The following VGLL3 variants were observed in gnomAD, a reference collection of about 807,000 sequenced individuals.
VGLL3 encodes transcription cofactor vestigial-like protein 3.
Under a neutral mutation model 29.2 loss-of-function variants are expected in VGLL3, and 18 were observed. The ratio of observed to expected loss-of-function variants is 0.62; its 90% CI spans 0.43 to 0.91. VGLL3 has a LOEUF of 0.91. Ranked by LOEUF, VGLL3 falls within the 40% of genes least tolerant of loss-of-function variation. VGLL3 has a pLI of 0.00. For missense variants in VGLL3, 440 were observed against 413.2 expected, an observed-to-expected ratio of 1.06 and a Z score of -0.56; for synonymous variants, 180 against 151.8, an observed-to-expected ratio of 1.19 and a Z score of -1.36.
At chr3:86,947,160 C>A in intron 3 of VGLL3, 93 bp from the exon 4 acceptor site, 2 of 748,540 alleles carry the variant, frequency 2.7e-6, no homozygotes, top group Non-Finnish European at 5.0e-6. Flanking sequence ...ATATAGAAAC[C>A]AAAATGATAA....
chr3:86,986,249 C>T (rs1366672665), intron 1 of VGLL3, among the ~76,000 whole-genome samples: 1 of 152,044 alleles, frequency 6.6e-6, no homozygotes, highest in African/African-American at 2.4e-5. Context: ...TGCATTTAGC[C>T]AGAATACCCT....
At chr3:86,952,882 C>T (rs1202997486) in intron 3 of VGLL3, among the ~76,000 whole-genome samples, 1 of 152,158 alleles carries the variant, frequency 6.6e-6, no homozygotes, top group Admixed American at 6.5e-5. Context: ...GACAGTCATA[C>T]TATTTTCTAT....
At chr3:86,963,296 T>A (rs973534098) in intron 3 of VGLL3, among the ~76,000 whole-genome samples, 1 of 152,134 alleles carries the variant, frequency 6.6e-6, no homozygotes, top group Non-Finnish European at 1.5e-5. Context: ...ACAACACGCA[T>A]GAAACTTGAA....
Position 86,946,129 on chromosome 3 carries a change from A to T in VGLL3, c.*895T>A, listed in dbSNP as rs1022524201. 6.6e-6 allele frequency: 1 copy of T among 152,154 alleles called. No homozygotes were observed. Among genetic ancestry groups the T allele is most frequent in the Non-Finnish European group, 1.5e-5 (1 of 68,012 alleles). 9.4% of individuals were successfully genotyped at this position (152,154 alleles called of 1,614,324 possible). On this transcript the variant is annotated 3_prime_UTR_variant, in exon 4 of 4. Transcript: ENST00000398399. ...TTGTATATAACCTCTGGTTCCATTT[A>T]TCAAATTTGGATGGGCTAGAAAGAG...
chr3:86,942,968 A>G lies in VGLL3; in HGVS notation c.*4056T>C, dbSNP rs1266763159. On this transcript the variant is annotated 3_prime_UTR_variant, in exon 4 of 4. Coordinates refer to ENST00000398399, the MANE Select transcript of VGLL3 (RefSeq NM_016206.4). ...CATCTGTAGTAGCTGTTATTTATTGAACATCTAATATGAGCTACATGATTG... is the reference window on the plus strand; with the variant it reads ...CATCTGTAGTAGCTGTTATTTATTGGACATCTAATATGAGCTACATGATTG... 5 of 151,764 alleles carry G rather than the reference A, an allele frequency of 3.3e-5. No homozygotes were observed. Among genetic ancestry groups the G allele is most frequent in the African/African-American group, 1.2e-4 (5 of 41,318 alleles). 9.4% of individuals were successfully genotyped at this position (151,764 alleles called of 1,614,324 possible).
intron 1 of VGLL3, among the ~76,000 whole-genome samples, chr3:86,979,955 C>G (rs932362678): frequency 7.2e-5 from 11 of 152,012 alleles, no homozygotes; most frequent in African/African-American, 2.7e-4. Context: ...CTTATTTCTG[C>G]TTTTCAGTAT....
chr3:86,984,124 T>A (rs182752013), intron 1 of VGLL3, among the ~76,000 whole-genome samples: 3 of 152,370 alleles, frequency 2.0e-5, no homozygotes, highest in African/African-American at 7.2e-5. Flanking sequence ...AACAATGTCA[T>A]GCTTTTAAAA....
At chr3:86,949,818 C>G (rs866767287) in intron 3 of VGLL3, among the ~76,000 whole-genome samples, 13 of 134,928 alleles carry the variant, frequency 9.6e-5, no homozygotes, top group South Asian at 2.3e-4. Context: ...CAGAGCGAGA[C>G]TCCATCTCAA....
chr3:86,948,557 C>A (rs867157454), intron 3 of VGLL3, among the ~76,000 whole-genome samples: 1 of 148,554 alleles, frequency 6.7e-6, no homozygotes, highest in South Asian at 2.2e-4. Flanking sequence ...TGCACATGTA[C>A]CCTAAAACTT....
intron 1 of VGLL3, among the ~76,000 whole-genome samples, chr3:86,989,650 C>T (rs1705536456): frequency 6.6e-6 from 1 of 152,026 alleles, no homozygotes; most frequent in South Asian, 2.1e-4. Context: ...AATTTCCTAA[C>T]CAAATCTAGT....
chr3:86,972,383 TA>T (rs1293372621), intron 2 of VGLL3, among the ~76,000 whole-genome samples: 1 of 151,996 alleles, frequency 6.6e-6, no homozygotes, highest in Non-Finnish European at 1.5e-5. Context: ...TGCAGCCCTT[TA>T]AAAAAAACCT....
Position 86,968,973 on chromosome 3 carries a change from C to A in VGLL3, c.554G>T (p.Ser185Ile), listed in dbSNP as rs765141204. 1.7e-5 allele frequency: 28 copies of A among 1,613,956 alleles called. No homozygotes were observed. The highest frequency in any genetic ancestry group is 2.1e-5 in the Non-Finnish European group (25 of 1,180,022). Residue 185 changes from serine to isoleucine, a missense_variant, in exon 3 of 4, where the codon AGT (serine) becomes ATT (isoleucine). Transcript: ENST00000398399. ...PPGTFSAADP[S>I]PWPGHNLHQT... ...ATGCAGGTTGTGTCCCGGCCAAGGACTGGGATCAGCTGCAGAAAAGGTGCC... is the reference window on the plus strand; with the variant it reads ...ATGCAGGTTGTGTCCCGGCCAAGGAATGGGATCAGCTGCAGAAAAGGTGCC...
chr3:86,986,802 T>C (rs1043706875), intron 1 of VGLL3, among the ~76,000 whole-genome samples: 4 of 152,174 alleles, frequency 2.6e-5, no homozygotes, highest in African/African-American at 9.7e-5. Context: ...GCTAACTGGA[T>C]ATACTGTTTC....
chr3:86,990,851 A>T lies in VGLL3; in HGVS notation c.-108T>A. 1.7e-6 allele frequency: 2 copies of T among 1,168,860 alleles called. No homozygotes were observed. Among genetic ancestry groups the T allele is most frequent in the Non-Finnish European group, 2.1e-6 (2 of 939,980 alleles). 72.4% of individuals were successfully genotyped at this position (1,168,860 alleles called of 1,614,324 possible). A position where few individuals can be genotyped will look rare whatever the true frequency, so the allele number is the denominator to read the frequency against. On this transcript the variant is annotated 5_prime_UTR_variant, in exon 1 of 4. Coordinates refer to ENST00000398399, the MANE Select transcript of VGLL3 (RefSeq NM_016206.4). ...CAGCTGCCGCCTCTGTCGCTGCTCC[A>T]GCTGCTACTGCGGCGAAGGCGGGTC...
chr3:86,962,398 G>A (rs1704870849), intron 3 of VGLL3: 1 of 985,214 alleles, frequency 1.0e-6, no homozygotes, highest in Non-Finnish European at 1.2e-6. Flanking sequence ...TTTAAATTTT[G>A]TGCCAGAGGC....
Position 86,963,426 on chromosome 3 carries a change from T to C in VGLL3, c.937+5164A>G, listed in dbSNP as rs560039956. On this transcript the variant is annotated intron_variant, in intron 3 of 3. Transcript: ENST00000398399. ...AAAGTAGACTAATATTTGCCAGGCA[T>C]AGCGGATAGGGAAAATTGGGAGTTA... Among the ~76,000 whole-genome samples, 89 of 152,216 alleles carry C rather than the reference T, an allele frequency of 5.8e-4. 3 individuals are homozygous for C. In the South Asian group the frequency reaches 0.018, roughly 31 times the overall value.
intron 1 of VGLL3, among the ~76,000 whole-genome samples, chr3:86,989,934 A>T (rs1705544657): frequency 6.6e-6 from 1 of 152,158 alleles, no homozygotes; most frequent in Non-Finnish European, 1.5e-5. Flanking sequence ...GGAAGAGTGG[A>T]GACTCAGCAT....
In VGLL3 at chr3:86,978,727, C is replaced by T; in HGVS notation, c.202G>A (p.Glu68Lys). The T allele has an allele frequency of 6.2e-7, 1 of 1,614,070 alleles. No homozygotes were observed. The highest frequency in any genetic ancestry group is 8.5e-7 in the Non-Finnish European group (1 of 1,180,004). ...TLPSKQEEED[E>K]EEEEEEKDQP... ...TCTTTCTCCTCCTCCTCCTCCTCCT[C>T]ATCCTCCTCCTCTTGTTTGCTGGGA... Residue 68 changes from glutamate to lysine, a missense_variant, in exon 2 of 4, where the codon GAG (glutamate) becomes AAG (lysine). Coordinates refer to ENST00000398399, the MANE Select transcript of VGLL3 (RefSeq NM_016206.4).
At chr3:86,975,273 T>C (rs1705184014) in intron 2 of VGLL3, among the ~76,000 whole-genome samples, 1 of 152,200 alleles carries the variant, frequency 6.6e-6, no homozygotes, top group Non-Finnish European at 1.5e-5. Flanking sequence ...AGAATAAAAA[T>C]GTGAGTCTCA....
Sources: gnomAD v4.1 joint callset for allele counts (sites outside exome capture counted in the v4.1 genomes callset) on GRCh38, gnomAD v4.1.1 for gene constraint, MANE v1.5 for transcripts, NCBI Gene and HGNC (gene_info 2026-07-23, HGNC 2026-07-21) for gene names.